Variants in VEGFC observed in about 807,000 individuals in gnomAD.
VEGFC encodes FLT4 ligand DHM.
Under a neutral mutation model 46.1 loss-of-function variants are expected in VEGFC, and 12 were observed. That is an observed-to-expected ratio of 0.26 (90% CI 0.17 to 0.42). The LOEUF (loss-of-function observed/expected upper bound fraction) is 0.42, where lower values mean the gene tolerates loss of function less well. VEGFC is among the 10% of genes least tolerant of loss of function. The probability of loss-of-function intolerance (pLI) is 1.00; values close to 1 mark genes in which losing one functional copy is unlikely to be tolerated. For synonymous variants in VEGFC, 232 were observed against 195.5 expected, an observed-to-expected ratio of 1.19 and a Z score of -1.56; for missense variants, 488 against 529.4, an observed-to-expected ratio of 0.92 and a Z score of 0.77.
chr4:176,707,556 A>G (rs189948980), intron 4 of VEGFC, among the ~76,000 whole-genome samples: 1 of 152,292 alleles, frequency 6.6e-6, no homozygotes, highest in East Asian at 1.9e-4. Flanking sequence ...AATAAGGCAA[A>G]TATTCATAAA....
intron 3 of VEGFC, among the ~76,000 whole-genome samples, chr4:176,718,384 T>C (rs1734729367): frequency 1.3e-5 from 2 of 152,304 alleles, no homozygotes; most frequent in Admixed American, 6.5e-5. Context: ...AAATAATACC[T>C]CTAATTTCAT....
At chr4:176,789,138 A>C (rs943135611) in intron 1 of VEGFC, among the ~76,000 whole-genome samples, 2 of 152,204 alleles carry the variant, frequency 1.3e-5, no homozygotes, top group Non-Finnish European at 2.9e-5. Flanking sequence ...AAGAGCTGAG[A>C]AACAGCATTC....
intron 1 of VEGFC, among the ~76,000 whole-genome samples, chr4:176,770,111 T>C (rs1438314296): frequency 6.6e-6 from 1 of 152,246 alleles, no homozygotes; most frequent in Non-Finnish European, 1.5e-5. Context: ...ATAGTAGTTC[T>C]GCAAACTTGA....
Position 176,754,443 on chromosome 4 carries a change from A to G in VEGFC, c.148-24697T>C, listed in dbSNP as rs143256453. Among the ~76,000 whole-genome samples the G allele has an allele frequency of 1.9e-3, 293 of 152,070 alleles. 2 individuals are homozygous for G. The highest frequency in any genetic ancestry group is 6.8e-3 in the African/African-American group (281 of 41,502). ...GCAAAGCCTGTAAGGGGCTCTGGAG[A>G]AGAATACACTTTCTTCCCTTTTCTA... is the stretch of plus-strand genomic sequence containing the variant. On this transcript the variant is annotated intron_variant, in intron 1 of 6. Transcript: ENST00000618562.
At chr4:176,694,232 C>T (rs949004186) in intron 4 of VEGFC, among the ~76,000 whole-genome samples, 2 of 150,266 alleles carry the variant, frequency 1.3e-5, no homozygotes, top group African/African-American at 2.4e-5. Flanking sequence ...ATTCAGGAAA[C>T]CCATCTCACG....
intron 3 of VEGFC, among the ~76,000 whole-genome samples, chr4:176,724,958 A>C (rs1734848703): frequency 6.6e-6 from 1 of 152,148 alleles, no homozygotes; most frequent in African/African-American, 2.4e-5. Flanking sequence ...TGAGGGGTAC[A>C]AAAGCACAGT....
In VEGFC at chr4:176,687,532, G is replaced by T; in HGVS notation, c.812-12C>A. 1 of 1,559,888 alleles carries T rather than the reference G, an allele frequency of 6.4e-7. No homozygotes were observed. Among genetic ancestry groups the T allele is most frequent in the Non-Finnish European group, 8.7e-7 (1 of 1,155,312 alleles). ...TCCATCTGTTGAGTCTAGACAAATA[G>T]TCAGAGAATCTTTACTATACCTTAC... On this transcript the variant is annotated splice_polypyrimidine_tract_variant and intron_variant, in intron 5 of 6. Transcript: ENST00000618562.
intron 1 of VEGFC, among the ~76,000 whole-genome samples, chr4:176,785,996 C>T (rs200242766): frequency 2.2e-5 from 3 of 138,094 alleles, no homozygotes; most frequent in African/African-American, 7.5e-5. Context: ...GTAATCACCA[C>T]TATCATCGCC....
At chr4:176,762,923 T>C (rs1014501919) in intron 1 of VEGFC, among the ~76,000 whole-genome samples, 9 of 152,172 alleles carry the variant, frequency 5.9e-5, no homozygotes, top group Admixed American at 1.3e-4. Context: ...AACAAATCTA[T>C]AGTGTCCTCT....
intron 4 of VEGFC, among the ~76,000 whole-genome samples, chr4:176,699,035 CAT>C (rs1272013516): frequency 1.3e-5 from 2 of 152,282 alleles, no homozygotes; most frequent in East Asian, 1.9e-4. Flanking sequence ...AACTGTAGCA[CAT>C]GATGATTTTC....
chr4:176,792,664 G>GA lies in VEGFC; in HGVS notation c.-354dup, dbSNP rs1736124098. The GA allele has an allele frequency of 1.6e-5, 3 of 191,230 alleles. No homozygotes were observed. Among genetic ancestry groups the GA allele is most frequent in the Non-Finnish European group, 3.2e-5 (3 of 94,528 alleles). The allele number at this position is 191,230 out of a possible 1,614,324, so 11.8% of individuals were successfully genotyped here. A position where few individuals can be genotyped will look rare whatever the true frequency, so the allele number is the denominator to read the frequency against. The stretch of plus-strand genomic sequence containing the variant: ...AGCTTTTTGGAGAGGCGGGGCGGGG[G>GA]ACACCAGAACACCCCGCGATGTTCA... On this transcript the variant is annotated 5_prime_UTR_variant, in exon 1 of 7. It introduces an in-frame stop codon into an upstream open reading frame of the 5' UTR. Coordinates refer to ENST00000618562, the MANE Select transcript of VEGFC (RefSeq NM_005429.5). The surrounding 1 kb of genome is among the most constrained non-coding windows in gnomAD (Gnocchi z 6.3).
At chr4:176,720,418 C>T (rs1734764261) in intron 3 of VEGFC, among the ~76,000 whole-genome samples, 1 of 152,072 alleles carries the variant, frequency 6.6e-6, no homozygotes, top group South Asian at 2.1e-4. Flanking sequence ...GACCTTTGAC[C>T]CCAAATTTGT....
chr4:176,784,132 T>C (rs913186041), intron 1 of VEGFC, among the ~76,000 whole-genome samples: 4 of 149,900 alleles, frequency 2.7e-5, no homozygotes, highest in Non-Finnish European at 5.9e-5. Flanking sequence ...TGGGGTGATC[T>C]CAGCTCACTC....
chr4:176,742,227 C>A (rs1053319691), intron 1 of VEGFC, among the ~76,000 whole-genome samples: 2 of 152,050 alleles, frequency 1.3e-5, no homozygotes, highest in Admixed American at 1.3e-4. Context: ...AGGAAAACGG[C>A]CTCCAGCAGA....
chr4:176,709,157 G>A (rs187520311), intron 4 of VEGFC, among the ~76,000 whole-genome samples: 1 of 152,264 alleles, frequency 6.6e-6, no homozygotes, highest in Non-Finnish European at 1.5e-5. Context: ...CAGGAAATGA[G>A]TCATTTTATT....
intron 1 of VEGFC, among the ~76,000 whole-genome samples, chr4:176,784,941 A>G (rs1221587992): frequency 6.6e-6 from 1 of 152,092 alleles, no homozygotes; most frequent in Non-Finnish European, 1.5e-5. Flanking sequence ...ATGAATACAG[A>G]AAGGCATGTC....
intron 5 of VEGFC, 48 bp downstream of exon 5, chr4:176,687,773 A>G (rs1734071272): frequency 1.5e-6 from 2 of 1,339,432 alleles, no homozygotes; most frequent in South Asian, 2.6e-5. Flanking sequence ...TATGTTAATC[A>G]CAATATAGAC....
intron 1 of VEGFC, among the ~76,000 whole-genome samples, chr4:176,772,886 C>A (rs10012638): frequency 0.054 from 8,199 of 152,252 alleles, 420 homozygotes; most frequent in African/African-American, 0.12. Context: ...AAACTAATTT[C>A]TTTTTATTAT....
intron 4 of VEGFC, among the ~76,000 whole-genome samples, chr4:176,707,657 A>G (rs1186831493): frequency 6.6e-6 from 1 of 152,188 alleles, no homozygotes; most frequent in Admixed American, 6.5e-5. Context: ...TTGGCTCTCC[A>G]AAACCCAAGA....
Sources: gnomAD v4.1 joint callset for allele counts (sites outside exome capture counted in the v4.1 genomes callset) on GRCh38, gnomAD v4.1.1 for gene constraint, Gnocchi (gnomAD v3.1) non-coding constraint, MANE v1.5 for transcripts, NCBI Gene and HGNC (gene_info 2026-07-23, HGNC 2026-07-21) for gene names.